The following ZGRF1 variants were observed in gnomAD, a reference collection of about 807,000 sequenced individuals.
ZGRF1 encodes the protein zinc finger GRF-type containing 1.
A neutral mutation model predicts 203.5 loss-of-function variants in ZGRF1; 196 were observed. The ratio of observed to expected loss-of-function variants is 0.96; its 90% confidence interval spans 0.86 to 1.08. ZGRF1 has a LOEUF of 1.08. Among genes scored for constraint, ZGRF1 ranks in the 50% least tolerant of loss-of-function variants. The pLI is 0.00. For missense variants in ZGRF1, 2,326 were observed against 2,416.3 expected (o/e 0.96, Z 0.78); for synonymous variants, 809 against 841.3 (o/e 0.96, Z 0.66).
intron 22 of ZGRF1, among the ~76,000 whole-genome samples, chr4:112,549,451 T>C (rs927538330): frequency 7.9e-5 from 12 of 152,202 alleles, no homozygotes; most frequent in African/African-American, 2.9e-4. Flanking sequence ...TACATGTACA[T>C]ATACATATAC....
At chr4:112,580,794 A>C (rs1317213018) in intron 16 of ZGRF1, among the ~76,000 whole-genome samples, 5 of 152,236 alleles carry the variant, frequency 3.3e-5, no homozygotes, top group Admixed American at 2.0e-4. Flanking sequence ...GCTGGAGAGG[A>C]TGTGGAGAAA....
In ZGRF1 at chr4:112,558,293, T is replaced by C. The variant is rs1338738496; in HGVS notation, c.4977A>G (p.Gly1659=). The change falls in exon 20 of 28, where the codon GGA becomes GGG. Residue 1659 remains glycine (G), a synonymous_variant. Coordinates refer to ENST00000505019, the MANE Select transcript of ZGRF1 (RefSeq NM_018392.5). The part of the protein sequence containing the change: ...ITIIHGVFGA[G]KSYLLAVVIL... ...TCACCACTGCCAGCAAGTAACTCTTTCCTGCTCCAAACACACCTAATTATT... is the reference window on the plus strand; with the variant it reads ...TCACCACTGCCAGCAAGTAACTCTTCCCTGCTCCAAACACACCTAATTATT... 5 of 1,566,618 alleles carry C rather than the reference T, an allele frequency of 3.2e-6. No individual in the cohort carries two copies. The East Asian group carries it at 1.2e-4, about 37-fold the overall frequency.
chr4:112,603,620 T>C lies in ZGRF1; in HGVS notation c.2880A>G (p.Leu960=). ...GVMVRGHSSQ[L]GCSQFPDSTE... ...TGCTATCTGGAAACTGACTGCATCC[T>C]AGCTGTGAGCTGTGTCCTCTGACCA... The change falls in exon 10 of 28, where the codon CTA becomes CTG. Residue 960 remains leucine (L), a synonymous_variant. Transcript: ENST00000505019. The C allele has an allele frequency of 1.2e-6, 2 of 1,613,972 alleles. No individual in the cohort carries two copies. The highest frequency in any genetic ancestry group is 1.7e-6 in the Non-Finnish European group (2 of 1,179,850).
chr4:112,605,578 A>C (rs1560844613), intron 9 of ZGRF1: 1 of 155,594 alleles, frequency 6.4e-6, no homozygotes, highest in Non-Finnish European at 1.4e-5. Context: ...TGTCTTTGTT[A>C]ATTTTTGATA....
intron 6 of ZGRF1, among the ~76,000 whole-genome samples, chr4:112,613,711 C>A (rs2046772329): frequency 6.6e-6 from 1 of 152,116 alleles, no homozygotes; most frequent in South Asian, 2.1e-4. Flanking sequence ...GGCAAGCCTG[C>A]AGAATGCAAA....
At chr4:112,601,908 A>G (rs1750043006) in intron 10 of ZGRF1, among the ~76,000 whole-genome samples, 1 of 152,150 alleles carries the variant, frequency 6.6e-6, no homozygotes, top group South Asian at 2.1e-4. Context: ...CACGTCAATT[A>G]AAAAATGAGG....
rs140968212 is a variant in ZGRF1 at position 112,574,580 on chromosome 4, G to C, written c.4438+7083C>G. 1.8e-3 allele frequency among the ~76,000 whole-genome samples: 276 copies of C among 152,208 alleles called. 2 individuals are homozygous for C. The highest frequency in any genetic ancestry group is 6.3e-3 in the African/African-American group (263 of 41,556). On this transcript the variant is annotated intron_variant, in intron 16 of 27. Coordinates refer to ENST00000505019, the MANE Select transcript of ZGRF1 (RefSeq NM_018392.5). ...GTATAAAGGTACTAGATTTTGATTT[G>C]GTTTGTGGGCTCACAGATGCTTATT...
rs1560750274 is a variant in ZGRF1 at position 112,554,713 on chromosome 4, T to C, written c.5190A>G (p.Leu1730=). The C allele has an allele frequency of 3.3e-6, 5 of 1,522,962 alleles. No individual in the cohort carries two copies. In the South Asian group the frequency reaches 6.0e-5, roughly 18 times the overall value. 94.3% of individuals were successfully genotyped at this position (1,522,962 alleles called of 1,614,324 possible). A position where few individuals can be genotyped will look rare whatever the true frequency, so the allele number is the denominator to read the frequency against. ...GSVRKIAKPI[L]PYSLHAGSEN... ...GAATTTTGCATTCTTACCTATAAGGTAAAATTGGTTTGGCAATCTTCCTAA... is the reference window on the plus strand; with the variant it reads ...GAATTTTGCATTCTTACCTATAAGGCAAAATTGGTTTGGCAATCTTCCTAA... Residue 1730 remains leucine, a synonymous_variant, in exon 21 of 28, where the codon TTA becomes TTG. Coordinates refer to ENST00000505019, the MANE Select transcript of ZGRF1 (RefSeq NM_018392.5).
At position 112,562,468 on chromosome 4, in the gene ZGRF1, A is replaced by G. The variant is rs750789290; in HGVS notation, c.4600T>C (p.Leu1534=). ...AGTTCTGTGCTAGCATTACAAACCA[A>G]TAACGCATGGACAACCACTGTACAG... ...WPTNMVVHAL[L]VCNASTELTT... Residue 1534 remains leucine (L), a synonymous_variant, in exon 18 of 28, where the codon TTG becomes CTG. Coordinates refer to ENST00000505019, the MANE Select transcript of ZGRF1 (RefSeq NM_018392.5). 5.6e-6 allele frequency: 9 copies of G among 1,604,004 alleles called. No homozygotes were observed. The South Asian group carries it at 8.9e-5, about 16-fold the overall frequency.
At chr4:112,593,862 C>T (rs935135878) in intron 10 of ZGRF1, among the ~76,000 whole-genome samples, 2 of 152,082 alleles carry the variant, frequency 1.3e-5, no homozygotes, top group Non-Finnish European at 2.9e-5. Context: ...CTCCCAGGAT[C>T]AATTGATCGT....
chr4:112,574,391 G>C (rs996646344), intron 16 of ZGRF1, among the ~76,000 whole-genome samples: 7 of 151,874 alleles, frequency 4.6e-5, no homozygotes, highest in Non-Finnish European at 4.4e-5. Context: ...ATTTTAGTAA[G>C]GTCTAAAAAA....
intron 14 of ZGRF1, 123 bp downstream of exon 14, chr4:112,585,418 A>G (rs1163188462): frequency 1.3e-5 from 8 of 628,686 alleles, no homozygotes; most frequent in Non-Finnish European, 2.0e-5. Context: ...GTTAGGTACC[A>G]ACACCTCAAA....
chr4:112,566,421 C>A (rs1194799326), intron 16 of ZGRF1, among the ~76,000 whole-genome samples: 2 of 150,962 alleles, frequency 1.3e-5, no homozygotes, highest in East Asian at 3.9e-4. Flanking sequence ...AGCACACCAG[C>A]ATGGCACATG....
intron 16 of ZGRF1, among the ~76,000 whole-genome samples, chr4:112,574,650 G>T (rs1744815621): frequency 6.6e-6 from 1 of 152,176 alleles, no homozygotes; most frequent in African/African-American, 2.4e-5. Context: ...AAATGAAGGT[G>T]AGCTATGTGA....
intron 4 of ZGRF1, among the ~76,000 whole-genome samples, chr4:112,623,110 T>C (rs764188436): frequency 5.3e-5 from 8 of 152,178 alleles, no homozygotes; most frequent in East Asian, 1.9e-4. Flanking sequence ...TAATATTTGG[T>C]TTTCTATGTC....
At chr4:112,633,105 A>C in intron 2 of ZGRF1, 51 bp downstream of exon 2, 6 of 1,534,538 alleles carry the variant, frequency 3.9e-6, no homozygotes, top group African/African-American at 2.7e-5. Context: ...TTTAAAAGAA[A>C]GAGACAGAGG....
chr4:112,560,378 T>G (rs1463861553), intron 19 of ZGRF1, among the ~76,000 whole-genome samples: 1 of 152,202 alleles, frequency 6.6e-6, no homozygotes, highest in African/African-American at 2.4e-5. Context: ...AATTAAGGTT[T>G]GTAATCACTG....
chr4:112,626,653 A>G (rs1475530005), intron 3 of ZGRF1, among the ~76,000 whole-genome samples: 1 of 152,198 alleles, frequency 6.6e-6, no homozygotes, highest in Non-Finnish European at 1.5e-5. Context: ...TTGTTGAACA[A>G]ATGAATCCAC....
chr4:112,548,511 C>G, intron 22 of ZGRF1, 131 bp from the exon 23 acceptor site: 1 of 636,652 alleles, frequency 1.6e-6, no homozygotes, highest in Non-Finnish European at 2.5e-6. Context: ...CATCAGAAAT[C>G]TTAGGTCATC....
Sources: gnomAD v4.1 joint callset for allele counts (sites outside exome capture counted in the v4.1 genomes callset) on GRCh38, gnomAD v4.1.1 for gene constraint, MANE v1.5 for transcripts, NCBI Gene and HGNC (gene_info 2026-07-23, HGNC 2026-07-21) for gene names.